The following AOX1 variants were observed in gnomAD, a reference collection of about 807,000 sequenced individuals.
AOX1 encodes aldehyde oxidase.
Under a neutral mutation model 169.5 loss-of-function variants are expected in AOX1, and 153 were observed. The ratio of observed to expected loss-of-function variants is 0.90; its 90% CI spans 0.79 to 1.03. AOX1 has a LOEUF of 1.03. Among genes scored for constraint, AOX1 ranks in the 50% least tolerant of loss-of-function variants. AOX1 has a pLI of 0.00. For synonymous variants in AOX1, 562 were observed against 581.9 expected (o/e 0.97, Z 0.49); for missense variants, 1,656 against 1,663.9 (o/e 1.00, Z 0.08).
chr2:200,635,914 C>G (rs1018319663), intron 21 of AOX1, among the ~76,000 whole-genome samples: 5 of 152,042 alleles, frequency 3.3e-5, no homozygotes, highest in Admixed American at 2.6e-4. Context: ...CAGACGAACT[C>G]CATTCCAGGC....
intron 10 of AOX1, 88 bp from the exon 11 acceptor site, chr2:200,608,896 A>T: frequency 8.2e-7 from 1 of 1,216,850 alleles, no homozygotes; most frequent in South Asian, 1.5e-5. Context: ...ATCCAGTATA[A>T]AGATTCTATG....
At chr2:200,668,898 AC>A in intron 33 of AOX1, 95 bp downstream of exon 33, 1 of 1,085,166 alleles carries the variant, frequency 9.2e-7, no homozygotes, top group Non-Finnish European at 1.3e-6. Flanking sequence ...TGGGATTTTT[AC>A]CAGGATTGCA....
intron 24 of AOX1, among the ~76,000 whole-genome samples, chr2:200,642,198 G>A (rs1443541524): frequency 2.0e-5 from 3 of 152,062 alleles, no homozygotes; most frequent in African/African-American, 7.2e-5. Flanking sequence ...GACGTCCCCA[G>A]GAGCAGGGAA....
chr2:200,630,210 T>TAAAAAAAAAAAAAAAAAAAAAA (rs57410809), intron 20 of AOX1, among the ~76,000 whole-genome samples: 5 of 95,528 alleles, frequency 5.2e-5, no homozygotes, highest in African/African-American at 1.8e-4. Context: ...TCCTTCTATT[T>TAAAAAAAAAAAAAAAAAAAAAA]AAAAAAAAAA....
rs560683728 is a variant in AOX1 at position 200,659,806 on chromosome 2, ACACACACACACACACACACGTG to A, written c.3301-181_3301-160del. On this transcript the variant is annotated intron_variant, in intron 28 of 34. Coordinates refer to ENST00000374700, the MANE Select transcript of AOX1 (RefSeq NM_001159.4). Reference sequence around the variant, plus strand: ...CTCTCTCACACACACACACACACACACACACACACACACACACACGTGCACACACTCATATGAAACCTTTCAT... The same window carrying A: ...CTCTCTCACACACACACACACACACACACACACTCATATGAAACCTTTCAT... Among the ~76,000 whole-genome samples the A allele has an allele frequency of 3.4e-3, 509 of 149,572 alleles. 2 individuals are homozygous for A. The highest frequency in any genetic ancestry group is 0.012 in the African/African-American group (474 of 39,116).
intron 19 of AOX1, among the ~76,000 whole-genome samples, chr2:200,625,026 G>A (rs1316344207): frequency 6.6e-6 from 1 of 152,156 alleles, no homozygotes; most frequent in African/African-American, 2.4e-5. Flanking sequence ...TTGCCATGCT[G>A]CTTGATGCTT....
In AOX1 at chr2:200,595,260, T is replaced by C; in HGVS notation, c.104-12T>C. 2 of 1,607,262 alleles carry C rather than the reference T, an allele frequency of 1.2e-6. No homozygotes were observed. On this transcript the variant is annotated splice_polypyrimidine_tract_variant and intron_variant, in intron 2 of 34. Coordinates refer to ENST00000374700, the MANE Select transcript of AOX1 (RefSeq NM_001159.4). ...ACATAACACATATGATCTTTAACTA[T>C]ACCTCTTCCAGTTCGACTCACAGGA...
At chr2:200,664,126 TTTG>T (rs2035882981) in intron 31 of AOX1, among the ~76,000 whole-genome samples, 1 of 152,030 alleles carries the variant, frequency 6.6e-6, no homozygotes, top group African/African-American at 2.4e-5. Flanking sequence ...TTTCTGTTTG[TTTG>T]TTTGTTTGTT....
At chr2:200,619,530 A>T (rs2034837499) in intron 16 of AOX1, among the ~76,000 whole-genome samples, 1 of 152,146 alleles carries the variant, frequency 6.6e-6, no homozygotes, top group Non-Finnish European at 1.5e-5. Flanking sequence ...CTGTCTCTTC[A>T]CCTGCTCTCC....
downstream of AOX1, among the ~76,000 whole-genome samples, chr2:200,674,949 C>G (rs1213927696): frequency 6.6e-6 from 1 of 152,212 alleles, no homozygotes; most frequent in Non-Finnish European, 1.5e-5. Flanking sequence ...CATTAATCAT[C>G]ATAAGATCCC....
chr2:200,606,609 C>T (rs557465208), intron 10 of AOX1, among the ~76,000 whole-genome samples: 66 of 152,274 alleles, frequency 4.3e-4, no homozygotes, highest in African/African-American at 1.6e-3. Flanking sequence ...TCTTCCTATC[C>T]ATGAGCATGG....
chr2:200,640,096 G>T (rs760284887), intron 23 of AOX1, among the ~76,000 whole-genome samples: 3 of 151,512 alleles, frequency 2.0e-5, no homozygotes, highest in Non-Finnish European at 2.9e-5. Context: ...TGTGGGAATA[G>T]TAAGAGCAAA....
intron 5 of AOX1, among the ~76,000 whole-genome samples, chr2:200,600,936 G>A (rs993215844): frequency 3.3e-5 from 5 of 151,978 alleles, no homozygotes; most frequent in African/African-American, 7.3e-5. Flanking sequence ...GAGGAACACC[G>A]GATCGCACTG....
chr2:200,620,723 C>T lies in AOX1; in HGVS notation c.1778C>T (p.Ala593Val). 6.2e-7 allele frequency: 1 copy of T among 1,604,826 alleles called. No homozygotes were observed. Among genetic ancestry groups the T allele is most frequent in the Non-Finnish European group, 8.5e-7 (1 of 1,176,960 alleles). The change falls in exon 17 of 35, where the codon GCC becomes GTC. Residue 593 changes from alanine (A) to valine (V), a missense_variant. Transcript: ENST00000374700. ...PIMHLSGVKHATGEAIYCDDM... is the reference protein window; with the variant it reads ...PIMHLSGVKHVTGEAIYCDDM... ...ATGCATCTGTCTGGTGTGAAGCATG[C>T]CACGGGGGAGGCCATCTACTGTGAT...
chr2:200,665,143 G>A (rs1257361977), intron 31 of AOX1, among the ~76,000 whole-genome samples: 1 of 152,248 alleles, frequency 6.6e-6, no homozygotes, highest in African/African-American at 2.4e-5. Flanking sequence ...TTCCTCCAGA[G>A]AGACCAGCCC....
chr2:200,660,831 G>A (rs1377532603), intron 29 of AOX1, among the ~76,000 whole-genome samples: 1 of 152,046 alleles, frequency 6.6e-6, no homozygotes, highest in African/African-American at 2.4e-5. Context: ...ATATTTATGG[G>A]GTCTGTCTAT....
rs2105698769 is a variant in AOX1 at position 200,604,045 on chromosome 2, AGT to A, written c.618_619del (p.Glu206AspfsTer15). On this transcript the variant is annotated frameshift_variant, in exon 8 of 35. Transcript: ENST00000374700. LOFTEE classifies it high-confidence loss of function. ...AGTCCAAAACTCTTCGCAGAAGAGG[AGT>A]TTCTGCCATTGGATCCAACCCAGGA... is the stretch of plus-strand genomic sequence containing the variant. The A allele has an allele frequency of 6.2e-7, 1 of 1,613,132 alleles. No homozygotes were observed. The highest frequency in any genetic ancestry group is 8.5e-7 in the Non-Finnish European group (1 of 1,179,148).
intron 32 of AOX1, among the ~76,000 whole-genome samples, chr2:200,667,642 C>G (rs2035947027): frequency 6.6e-6 from 1 of 151,986 alleles, no homozygotes; most frequent in South Asian, 2.1e-4. Context: ...ATTTAGCATG[C>G]CTGTTCATGG....
intron 18 of AOX1, among the ~76,000 whole-genome samples, chr2:200,621,795 C>T (rs748431162): frequency 6.6e-5 from 10 of 151,764 alleles, no homozygotes; most frequent in African/African-American, 9.7e-5. Flanking sequence ...GTTTGTCACC[C>T]AGGCTGGAGT....
Sources: allele counts gnomAD v4.1 joint callset (sites outside exome capture counted in the v4.1 genomes callset), GRCh38; gene constraint gnomAD v4.1.1; transcripts MANE v1.5; gene names NCBI Gene and HGNC (gene_info 2026-07-23, HGNC 2026-07-21).